The following RELT variants were observed in gnomAD, a reference collection of about 807,000 sequenced individuals.
RELT encodes tumor necrosis factor receptor superfamily member 19L.
A neutral mutation model predicts 51.1 loss-of-function variants in RELT; 37 were observed. The ratio of observed to expected loss-of-function variants is 0.72; its 90% CI spans 0.56 to 0.95. The LOEUF (loss-of-function observed/expected upper bound fraction) is 0.95, where lower values mean the gene tolerates loss of function less well. Among genes scored for constraint, RELT ranks in the 40% least tolerant of loss-of-function variants. RELT has a pLI of 0.00. For synonymous variants in RELT, 241 were observed against 235.7 expected, an observed-to-expected ratio of 1.02 and a Z score of -0.21; for missense variants, 535 against 572.6, an observed-to-expected ratio of 0.93 and a Z score of 0.67.
chr11:73,395,521 C>T lies in RELT; in HGVS notation c.*30C>T, dbSNP rs745337997. 10 of 783,146 alleles carry T rather than the reference C, an allele frequency of 1.3e-5. No individual in the cohort carries two copies. The highest frequency in any genetic ancestry group is 3.4e-5 in the Admixed American group (2 of 59,034). 48.5% of individuals were successfully genotyped at this position (783,146 alleles called of 1,614,324 possible). ...CGGTCTAGTCTAAGGACACTGCGGC[C>T]CTGCCCTGGGAGGTTCCGAAGGCTT... On this transcript the variant is annotated 3_prime_UTR_variant, in exon 11 of 11. Transcript: ENST00000064780.
At chr11:73,384,132 G>GC (rs1480926049) in intron 1 of RELT, among the ~76,000 whole-genome samples, 1 of 152,144 alleles carries the variant, frequency 6.6e-6, no homozygotes, top group Non-Finnish European at 1.5e-5. Flanking sequence ...CCCCAGTGCG[G>GC]CCTCTCTTAG....
At chr11:73,382,398 C>T (rs774146692) in intron 1 of RELT, among the ~76,000 whole-genome samples, 4 of 152,280 alleles carry the variant, frequency 2.6e-5, no homozygotes, top group South Asian at 2.1e-4. Flanking sequence ...GTTTTATGGC[C>T]GGGGCAGGTG....
intron 6 of RELT, 40 bp from the exon 7 acceptor site, chr11:73,393,797 T>C (rs1866259011): frequency 1.9e-6 from 3 of 1,599,536 alleles, no homozygotes; most frequent in Non-Finnish European, 2.6e-6. Flanking sequence ...GAGTGCGGCT[T>C]CCCCCTCTTC....
intron 2 of RELT, among the ~76,000 whole-genome samples, chr11:73,390,024 G>A (rs757695042): frequency 2.4e-4 from 36 of 152,188 alleles, no homozygotes; most frequent in Middle Eastern, 3.2e-3. Context: ...GGTGTGAATG[G>A]GGTAGCCTCG....
At position 73,394,921 on chromosome 11, in the gene RELT, A is replaced by G. The variant is rs1475532931; in HGVS notation, c.1047-166A>G. 1.1e-6 allele frequency: 1 copy of G among 894,488 alleles called. No homozygotes were observed. The highest frequency in any genetic ancestry group is 1.7e-6 in the Non-Finnish European group (1 of 591,870). The allele number at this position is 894,488 out of a possible 1,614,324, so 55.4% of individuals were successfully genotyped here. A position where few individuals can be genotyped will look rare whatever the true frequency, so the allele number is the denominator to read the frequency against. ...ACTTTCCGGTTATGTTGTGTCTCAC[A>G]TGGAGCCCTTGCATCCCTAGGGCAG... On this transcript the variant is annotated intron_variant, in intron 9 of 10. Coordinates refer to ENST00000064780, the MANE Select transcript of RELT (RefSeq NM_152222.2). The surrounding 1 kb of genome is among the most constrained non-coding windows in gnomAD (Gnocchi z 4.9).
intron 6 of RELT, chr11:73,393,483 A>G (rs1342394493): frequency 4.1e-6 from 5 of 1,226,516 alleles, no homozygotes; most frequent in East Asian, 5.1e-5. Context: ...AGTTCTGGGT[A>G]GGGTGGCAGC....
At position 73,393,615 on chromosome 11, in the gene RELT, G is replaced by T. The variant is rs777091156; in HGVS notation, c.626-222G>T. 1.3e-5 allele frequency: 20 copies of T among 1,504,934 alleles called. 1 individual carries two copies. In the South Asian group the frequency reaches 2.4e-4, roughly 18 times the overall value. The allele number at this position is 1,504,934 out of a possible 1,614,324, so 93.2% of individuals were successfully genotyped here. ...TGGCCCTGAAGCCTCTATGCACCCG[G>T]GCTGTTGGGTGCAGGAAGCACTGGT... On this transcript the variant is annotated intron_variant, in intron 6 of 10. Coordinates refer to ENST00000064780, the MANE Select transcript of RELT (RefSeq NM_152222.2).
intron 1 of RELT, among the ~76,000 whole-genome samples, chr11:73,386,943 T>C (rs1866133340): frequency 1.3e-5 from 2 of 150,826 alleles, no homozygotes; most frequent in Admixed American, 6.6e-5. Flanking sequence ...CCCCCTGGCT[T>C]TGTCTTTTTT....
intron 1 of RELT, 80 bp from the exon 2 acceptor site, chr11:73,389,032 T>C: frequency 1.3e-6 from 1 of 758,600 alleles, no homozygotes. Flanking sequence ...AGTCCTGTCA[T>C]CCTGGAAGTG....
intron 1 of RELT, among the ~76,000 whole-genome samples, chr11:73,379,852 C>G (rs1866024121): frequency 6.6e-6 from 1 of 152,248 alleles, no homozygotes. Context: ...GTAGTTCAAA[C>G]TCCTCACCTG....
chr11:73,395,438 C>T lies in RELT; in HGVS notation c.1246-6C>T, dbSNP rs1245690315. On this transcript the variant is annotated splice_region_variant and splice_polypyrimidine_tract_variant and intron_variant, in intron 10 of 10. Coordinates refer to ENST00000064780, the MANE Select transcript of RELT (RefSeq NM_152222.2). Reference sequence around the variant, plus strand: ...TCAGCTCTGACCCCTCACCCCTGCCCACCAGGAGAACCGCTATGTGGTCCG... The same window carrying T: ...TCAGCTCTGACCCCTCACCCCTGCCTACCAGGAGAACCGCTATGTGGTCCG... The T allele has an allele frequency of 2.3e-6, 2 of 888,700 alleles. No individual in the cohort carries two copies. Among genetic ancestry groups the T allele is most frequent in the East Asian group, 2.4e-5 (1 of 41,768 alleles). 55.1% of individuals were successfully genotyped at this position (888,700 alleles called of 1,614,324 possible).
Position 73,389,304 on chromosome 11 carries a change from G to A in RELT, c.45+123G>A, listed in dbSNP as rs183816370. The A allele has an allele frequency of 3.3e-5, 21 of 633,032 alleles. No homozygotes were observed. In the Admixed American group the frequency reaches 4.2e-4, roughly 13 times the overall value. The allele number at this position is 633,032 out of a possible 1,614,324, so 39.2% of individuals were successfully genotyped here. On this transcript the variant is annotated intron_variant, in intron 2 of 10. Transcript: ENST00000064780. Reference sequence around the variant, plus strand: ...TGGGCAGGGCTCAGTTACTCAGCTCGTCAAGAATCTGAGGCAGCTGGACCC... The same window carrying A: ...TGGGCAGGGCTCAGTTACTCAGCTCATCAAGAATCTGAGGCAGCTGGACCC...
At chr11:73,378,972 A>G (rs754574851) in intron 1 of RELT, among the ~76,000 whole-genome samples, 9 of 152,128 alleles carry the variant, frequency 5.9e-5, no homozygotes, top group Non-Finnish European at 1.2e-4. Flanking sequence ...ATCCACCTGC[A>G]TGTTATGGTG....
In RELT at chr11:73,395,840, C is replaced by T. The variant is rs997651579; in HGVS notation, c.*349C>T. On this transcript the variant is annotated 3_prime_UTR_variant, in exon 11 of 11. Coordinates refer to ENST00000064780, the MANE Select transcript of RELT (RefSeq NM_152222.2). The stretch of plus-strand genomic sequence containing the variant: ...TTGGCAGAGGGGAGGGGCCTGTGCC[C>T]GTCACCCCTGGCCCCATTCCTTGGT... 2.2e-5 allele frequency: 9 copies of T among 415,388 alleles called. No individual in the cohort carries two copies. The highest frequency in any genetic ancestry group is 6.7e-4 in the Middle Eastern group (1 of 1,488). The allele number at this position is 415,388 out of a possible 1,614,324, so 25.7% of individuals were successfully genotyped here.
intron 6 of RELT, chr11:73,393,587 A>T (rs1410717814): frequency 6.9e-7 from 1 of 1,456,452 alleles, no homozygotes; most frequent in Non-Finnish European, 9.1e-7. Flanking sequence ...ACTGGAGTTC[A>T]CGTGGCCCTG....
At chr11:73,393,787 G>C (rs1866258585) in intron 6 of RELT, 50 bp from the exon 7 acceptor site, 1 of 1,589,458 alleles carries the variant, frequency 6.3e-7, no homozygotes, top group Admixed American at 1.7e-5. Context: ...TTTAGCTCAG[G>C]AGTGCGGCTT....
rs112216527 is a variant in RELT at position 73,394,995 on chromosome 11, C to T, written c.1047-92C>T. 2.5e-6 allele frequency: 3 copies of T among 1,191,702 alleles called. No individual in the cohort carries two copies. The highest frequency in any genetic ancestry group is 1.2e-6 in the Non-Finnish European group (1 of 820,952). 73.8% of individuals were successfully genotyped at this position (1,191,702 alleles called of 1,614,324 possible). A position where few individuals can be genotyped will look rare whatever the true frequency, so the allele number is the denominator to read the frequency against. On this transcript the variant is annotated intron_variant, in intron 9 of 10. Transcript: ENST00000064780. This position sits in a 1 kb window ranked among gnomAD's most constrained non-coding sequence, Gnocchi z 4.9. ...GGCCTCTCAGGCTAAGGCTCTGGTC[C>T]ATGAACTTGCTGTGTGACCCCGGGC...
rs568750149 is a variant in RELT at position 73,392,405 on chromosome 11, C to T, written c.562C>T (p.Arg188Trp). Residue 188 changes from arginine (R) to tryptophan (W), a missense_variant, in exon 6 of 11, where the codon CGG (arginine) becomes TGG (tryptophan). Coordinates refer to ENST00000064780, the MANE Select transcript of RELT (RefSeq NM_152222.2). ...LGILVCNLLK[R>W]KGYHCTAHKE... The stretch of plus-strand genomic sequence containing the variant: ...CATCCTGGTGTGCAACCTCCTCAAG[C>T]GGAAGGGCTACCACTGCACGGCGCA... 30 of 1,613,624 alleles carry T rather than the reference C, an allele frequency of 1.9e-5. No homozygotes were observed. Among genetic ancestry groups the T allele is most frequent in the Middle Eastern group, 1.6e-4 (1 of 6,084 alleles).
Position 73,395,206 on chromosome 11 carries a change from C to A in RELT, c.1166C>A (p.Pro389His). 6.2e-7 allele frequency: 1 copy of A among 1,613,276 alleles called. No homozygotes were observed. Among genetic ancestry groups the A allele is most frequent in the South Asian group, 1.1e-5 (1 of 91,084 alleles). Reference protein sequence around the residue: ...DLPDSPQPGLPPEQQALLGSG... With the variant: ...DLPDSPQPGLHPEQQALLGSG... ...CCTGACTCCCCACAGCCTGGCCTCC[C>A]CCCTGAGCAGCAGGCCCTGCTAGGA... is the stretch of plus-strand genomic sequence containing the variant. Residue 389 changes from proline (P) to histidine (H), a missense_variant, in exon 10 of 11, where the codon CCC becomes CAC. Transcript: ENST00000064780.
Sources: allele counts gnomAD v4.1 joint callset (sites outside exome capture counted in the v4.1 genomes callset), GRCh38; gene constraint gnomAD v4.1.1; non-coding constraint Gnocchi (gnomAD v3.1); transcripts MANE v1.5; gene names NCBI Gene and HGNC (gene_info 2026-07-23, HGNC 2026-07-21).